The following AKAP19 variants were observed in gnomAD, a reference collection of about 807,000 sequenced individuals.
AKAP19 encodes A-kinase anchoring protein 19, also known as small A-kinase anchoring protein.
the AKAP19 span, among the ~76,000 whole-genome samples, chr2:189,977,805 A>G: frequency 6.6e-6 from 1 of 152,234 alleles, no homozygotes; most frequent in South Asian, 2.1e-4. Context: ...GGAAACACAT[A>G]CACATATTTA....
the AKAP19 span, among the ~76,000 whole-genome samples, chr2:189,886,987 T>A: frequency 6.6e-6 from 1 of 152,210 alleles, no homozygotes; most frequent in African/African-American, 2.4e-5. Context: ...CTTGCTTTTT[T>A]TTAAATTTTT....
chr2:190,174,133 A>G, the AKAP19 span, among the ~76,000 whole-genome samples: 17 of 152,314 alleles, frequency 1.1e-4, no homozygotes, highest in African/African-American at 4.1e-4. Flanking sequence ...CCAATAGGGG[A>G]AAAACATAGC....
At chr2:189,973,853 A>G in the AKAP19 span, among the ~76,000 whole-genome samples, 2 of 151,612 alleles carry the variant, frequency 1.3e-5, no homozygotes, top group South Asian at 4.2e-4. Flanking sequence ...TTTTTATTGC[A>G]TCTATTTGAC....
chr2:190,086,842 G>T, the AKAP19 span, among the ~76,000 whole-genome samples: 380 of 152,268 alleles, frequency 2.5e-3, 2 homozygotes, highest in African/African-American at 8.7e-3. Flanking sequence ...TTATGATTAG[G>T]ATTAATTGTC....
the AKAP19 span, among the ~76,000 whole-genome samples, chr2:189,970,517 A>T: frequency 6.6e-6 from 1 of 151,966 alleles, no homozygotes; most frequent in South Asian, 2.1e-4. Flanking sequence ...GCCTTTTTTC[A>T]TCAATACTGT....
At chr2:190,180,401 C>A in the AKAP19 span, 1 of 913,956 alleles carries the variant, frequency 1.1e-6, no homozygotes, top group Non-Finnish European at 1.3e-6. This position sits in a 1 kb window ranked among gnomAD's most constrained non-coding sequence, Gnocchi z 6.8. Flanking sequence ...CCCCTCTCAC[C>A]AGGGCGGAGC....
the AKAP19 span, among the ~76,000 whole-genome samples, chr2:189,953,634 CAAAAAAA>C: frequency 4.1e-5 from 3 of 72,826 alleles, no homozygotes; most frequent in Admixed American, 3.0e-4. Flanking sequence ...AACTCCATCT[CAAAAAAA>C]AAAAAAAAAA....
the AKAP19 span, among the ~76,000 whole-genome samples, chr2:190,059,890 A>G: frequency 6.6e-6 from 1 of 151,994 alleles, no homozygotes. Context: ...AGTGTTTCAT[A>G]GGATATGAAA....
At chr2:190,185,220 A>G in the AKAP19 span, among the ~76,000 whole-genome samples, 1 of 152,214 alleles carries the variant, frequency 6.6e-6, no homozygotes, top group Non-Finnish European at 1.5e-5. Context: ...TGGTTTTACT[A>G]CATAAAGACT....
At chr2:189,960,163 A>C in the AKAP19 span, among the ~76,000 whole-genome samples, 1 of 152,198 alleles carries the variant, frequency 6.6e-6, no homozygotes, top group Non-Finnish European at 1.5e-5. Context: ...TTATTGATTG[A>C]ACACCGGCTG....
At chr2:190,083,444 G>A in the AKAP19 span, among the ~76,000 whole-genome samples, 1 of 152,160 alleles carries the variant, frequency 6.6e-6, no homozygotes, top group Non-Finnish European at 1.5e-5. Context: ...ATTTTAATGA[G>A]TTTACTTGAG....
the AKAP19 span, among the ~76,000 whole-genome samples, chr2:190,168,702 G>T: frequency 2.6e-5 from 4 of 152,142 alleles, no homozygotes; most frequent in Non-Finnish European, 1.5e-5. Flanking sequence ...TAGATCTCTA[G>T]GGCAGGGGCA....
chr2:189,992,414 T>C, the AKAP19 span, among the ~76,000 whole-genome samples: 1 of 152,204 alleles, frequency 6.6e-6, no homozygotes, highest in African/African-American at 2.4e-5. Context: ...CCATGCTGTT[T>C]TGGTAACTGT....
At chr2:190,168,383 C>T in the AKAP19 span, among the ~76,000 whole-genome samples, 1 of 152,196 alleles carries the variant, frequency 6.6e-6, no homozygotes, top group African/African-American at 2.4e-5. Context: ...GTGAGGGCCT[C>T]TGACATGCCC....
At chr2:190,045,464 G>C in the AKAP19 span, among the ~76,000 whole-genome samples, 2 of 152,164 alleles carry the variant, frequency 1.3e-5, no homozygotes, top group Non-Finnish European at 2.9e-5. Flanking sequence ...GCCCAGCGAG[G>C]AGGAATGGGA....
the AKAP19 span, among the ~76,000 whole-genome samples, chr2:190,118,402 G>C: frequency 2.0e-5 from 3 of 152,192 alleles, no homozygotes; most frequent in Admixed American, 6.5e-5. Context: ...AAGCCTGGCA[G>C]AGACACAACA....
the AKAP19 span, among the ~76,000 whole-genome samples, chr2:190,039,741 T>G: frequency 1.3e-5 from 2 of 152,100 alleles, no homozygotes; most frequent in African/African-American, 2.4e-5. Flanking sequence ...TCTTATCATT[T>G]AGCTCCCACT....
chr2:189,989,365 A>G, the AKAP19 span, among the ~76,000 whole-genome samples: 2 of 152,284 alleles, frequency 1.3e-5, no homozygotes, highest in Non-Finnish European at 2.9e-5. Context: ...ATCCAGAAAT[A>G]TAAGTATTTT....
At chr2:190,201,146 A>AT in the AKAP19 span, 2 of 167,060 alleles carry the variant, frequency 1.2e-5, no homozygotes, top group African/African-American at 4.8e-5. Flanking sequence ...GGTTTTTGTT[A>AT]TTTTTTAGTG....
Sources: allele counts gnomAD v4.1 joint callset (sites outside exome capture counted in the v4.1 genomes callset), GRCh38; gene constraint gnomAD v4.1.1; non-coding constraint Gnocchi (gnomAD v3.1); transcripts MANE v1.5; gene names NCBI Gene and HGNC (gene_info 2026-07-23, HGNC 2026-07-21).